IL1RAPL1: variants seen among roughly 807,000 people sequenced by gnomAD.
IL1RAPL1 encodes the protein interleukin 1 receptor accessory protein like 1.
IL1RAPL1 carries 3 observed loss-of-function variants against 48.4 expected under a neutral mutation model. That is an observed-to-expected ratio of 0.06 (90% CI 0.03 to 0.16). The LOEUF is 0.16. Among genes scored for constraint, IL1RAPL1 ranks in the 10% least tolerant of loss-of-function variants. The pLI is 1.00. For synonymous variants in IL1RAPL1, 185 were observed against 187.7 expected (o/e 0.99, Z 0.12); for missense variants, 349 against 530.6 (o/e 0.66, Z 3.36).
chrX:29,440,030 T>C (rs1163687038), intron 5 of IL1RAPL1, among the ~76,000 whole-genome samples: 1 of 105,174 alleles, frequency 9.5e-6, no homozygotes, highest in Non-Finnish European at 2.0e-5. Flanking sequence ...TGTGTGAATG[T>C]GGTAAAACAT....
Position 28,966,981 on chromosome X carries a change from G to C in IL1RAPL1, c.82+177556G>C, listed in dbSNP as rs111342548. Among the ~76,000 whole-genome samples the C allele has an allele frequency of 1.9e-3, 216 of 111,882 alleles. 1 individual carries two copies. Among genetic ancestry groups the C allele is most frequent in the Middle Eastern group, 9.3e-3 (2 of 216 alleles). On this transcript the variant is annotated intron_variant, in intron 2 of 10. Transcript: ENST00000378993. ...TTAGGACTGGTTCAATTTTTGTCAG[G>C]TTTAGTTTGGTTGCAAATTCCACCT... is the stretch of plus-strand genomic sequence containing the variant.
At chrX:29,839,147 C>A (rs900457335) in intron 6 of IL1RAPL1, among the ~76,000 whole-genome samples, 1 of 112,099 alleles carries the variant, frequency 8.9e-6, no homozygotes, top group Admixed American at 9.4e-5. Flanking sequence ...ATGAAAAAAT[C>A]GGGGGCCATT....
intron 6 of IL1RAPL1, among the ~76,000 whole-genome samples, chrX:29,747,721 G>A (rs1353197020): frequency 8.9e-6 from 1 of 112,735 alleles, no homozygotes; most frequent in Non-Finnish European, 1.9e-5. Flanking sequence ...ATTGTAAAAA[G>A]AGGAAAAAGT....
chrX:29,576,450 A>G (rs1922775957), intron 5 of IL1RAPL1, among the ~76,000 whole-genome samples: 1 of 112,202 alleles, frequency 8.9e-6, no homozygotes, highest in African/African-American at 3.2e-5. Context: ...CAGTTTAGGG[A>G]AAATCTCTGT....
At chrX:28,661,215 A>G (rs1601850450) in intron 1 of IL1RAPL1, among the ~76,000 whole-genome samples, 2 of 112,310 alleles carry the variant, frequency 1.8e-5, no homozygotes, top group African/African-American at 6.4e-5. Flanking sequence ...CTACCTAATT[A>G]CATCTAGTCC....
intron 2 of IL1RAPL1, among the ~76,000 whole-genome samples, chrX:29,029,249 G>A (rs1231973158): frequency 9.0e-6 from 1 of 111,047 alleles, no homozygotes. Context: ...ATGAGATTTG[G>A]GTGGGGACAC....
intron 2 of IL1RAPL1, among the ~76,000 whole-genome samples, chrX:28,924,664 A>G (rs1923695329): frequency 8.9e-6 from 1 of 111,955 alleles, no homozygotes; most frequent in Non-Finnish European, 1.9e-5. Flanking sequence ...GAATCCTGGA[A>G]AAGAAAAGTG....
Position 29,955,650 on chromosome X carries a change from A to G in IL1RAPL1, c.1921A>G (p.Thr641Ala). 1 of 1,210,639 alleles carries G rather than the reference A, an allele frequency of 8.3e-7. No individual in the cohort carries two copies. Among genetic ancestry groups the G allele is most frequent in the Non-Finnish European group, 1.1e-6 (1 of 894,866 alleles). The change falls in exon 11 of 11, where the codon ACC becomes GCC. Residue 641 changes from threonine to alanine, a missense_variant. Transcript: ENST00000378993. ...ACCTCCTACCGGCACCCTGCCTCTT[A>G]CCTCCATAGGCAATCAGCATACCTA... ...DVPPTGTLPL[T>A]SIGNQHTYCN...
intron 1 of IL1RAPL1, among the ~76,000 whole-genome samples, chrX:28,639,218 G>T (rs1934504621): frequency 8.9e-6 from 1 of 111,980 alleles, no homozygotes; most frequent in African/African-American, 3.2e-5. Flanking sequence ...TAATTCAGTT[G>T]AGAAGAAATT....
rs1481445455 is a variant in IL1RAPL1, at chrX:29,285,094, A to C, written c.362+1877A>C. Among the ~76,000 whole-genome samples the C allele has an allele frequency of 3.6e-5, 4 of 112,107 alleles. No homozygotes were observed. The East Asian group carries it at 1.1e-3, about 31-fold the overall frequency. On this transcript the variant is annotated intron_variant, in intron 3 of 10. Transcript: ENST00000378993. ...AATTGAGTTGGATGTCCATAGTATA[A>C]TACTACATTTCGTCACTTATTATTG...
intron 5 of IL1RAPL1, among the ~76,000 whole-genome samples, chrX:29,587,712 C>T (rs1256442532): frequency 8.9e-6 from 1 of 111,785 alleles, no homozygotes; most frequent in African/African-American, 3.3e-5. Context: ...CTCCCCCTTG[C>T]ACTATTGGTC....
At chrX:29,447,165 T>A (rs1384038867) in intron 5 of IL1RAPL1, among the ~76,000 whole-genome samples, 1 of 111,156 alleles carries the variant, frequency 9.0e-6, no homozygotes, top group East Asian at 2.8e-4. Context: ...CCCATTAGTA[T>A]ACATGCATTT....
intron 9 of IL1RAPL1, among the ~76,000 whole-genome samples, chrX:29,950,405 T>C (rs1246905764): frequency 8.9e-6 from 1 of 112,205 alleles, no homozygotes; most frequent in Non-Finnish European, 1.9e-5. Flanking sequence ...TGTGGTCAAA[T>C]ACCTGGCAGA....
At chrX:29,524,501 T>A (rs1167236712) in intron 5 of IL1RAPL1, among the ~76,000 whole-genome samples, 1 of 111,602 alleles carries the variant, frequency 9.0e-6, no homozygotes, top group Non-Finnish European at 1.9e-5. Flanking sequence ...TACTCTTTTT[T>A]TTCTGGTCAT....
At chrX:28,608,757 TAGAC>T (rs772732685) in intron 1 of IL1RAPL1, among the ~76,000 whole-genome samples, 3 of 112,105 alleles carry the variant, frequency 2.7e-5, no homozygotes, top group Admixed American at 9.5e-5. Flanking sequence ...TAATTTGAGA[TAGAC>T]AGCCCATTTT....
chrX:28,891,720 T>C (rs1922774765), intron 2 of IL1RAPL1, among the ~76,000 whole-genome samples: 1 of 112,086 alleles, frequency 8.9e-6, no homozygotes, highest in African/African-American at 3.2e-5. Context: ...TTATTATGAA[T>C]AATACTGCTA....
chrX:29,374,572 A>G (rs1262764045), intron 3 of IL1RAPL1, among the ~76,000 whole-genome samples: 1 of 109,736 alleles, frequency 9.1e-6, no homozygotes, highest in Non-Finnish European at 1.9e-5. Flanking sequence ...GAGAATTAAC[A>G]TTTGTCGAAT....
In IL1RAPL1 at chrX:28,826,967, A is replaced by G. The variant is rs878932949; in HGVS notation, c.82+37542A>G. Among the ~76,000 whole-genome samples, 3 of 111,461 alleles carry G rather than the reference A, an allele frequency of 2.7e-5. No homozygotes were observed. In the Admixed American group the frequency reaches 2.9e-4, roughly 11 times the overall value. On this transcript the variant is annotated intron_variant, in intron 2 of 10. Coordinates refer to ENST00000378993, the MANE Select transcript of IL1RAPL1 (RefSeq NM_014271.4). ...TATAAGAATTAGGTCTATAATCTTAAATATGCTGTAAAGATCATTAATTAT... is the reference window on the plus strand; with the variant it reads ...TATAAGAATTAGGTCTATAATCTTAGATATGCTGTAAAGATCATTAATTAT...
chrX:29,385,180 C>T (rs958152942), intron 3 of IL1RAPL1, among the ~76,000 whole-genome samples: 2 of 112,133 alleles, frequency 1.8e-5, no homozygotes, highest in South Asian at 3.7e-4. Context: ...TACCCATGGG[C>T]GCAGTGGCTC....
Sources: allele counts gnomAD v4.1 joint callset (sites outside exome capture counted in the v4.1 genomes callset), GRCh38; gene constraint gnomAD v4.1.1; transcripts MANE v1.5; gene names NCBI Gene and HGNC (gene_info 2026-07-23, HGNC 2026-07-21).